ANKRD6: variants seen among roughly 807,000 people sequenced by gnomAD.
ANKRD6 encodes the protein ankyrin repeat domain 6.
A neutral mutation model predicts 82.3 loss-of-function variants in ANKRD6; 56 were observed. That is an observed-to-expected ratio of 0.68 (90% confidence interval 0.55 to 0.85). The LOEUF (loss-of-function observed/expected upper bound fraction) is 0.85, where lower values mean the gene tolerates loss of function less well. Among genes scored for constraint, ANKRD6 ranks in the 40% least tolerant of loss-of-function variants. The probability of loss-of-function intolerance (pLI) is 0.00; values close to 1 mark genes in which losing one functional copy is unlikely to be tolerated. For missense variants in ANKRD6, 852 were observed against 907.6 expected (o/e 0.94, Z 0.79); for synonymous variants, 347 against 352.1 (o/e 0.99, Z 0.16).
chr6:89,473,465 A>G (rs1034281516), intron 1 of ANKRD6, among the ~76,000 whole-genome samples: 1 of 152,060 alleles, frequency 6.6e-6, no homozygotes, highest in Non-Finnish European at 1.5e-5. Context: ...CTTCTTGTTT[A>G]CTTTTCCTTT....
chr6:89,541,060 G>A (rs1389689341), intron 1 of ANKRD6, among the ~76,000 whole-genome samples: 4 of 152,098 alleles, frequency 2.6e-5, no homozygotes, highest in African/African-American at 9.7e-5. Context: ...CAGGTAATGT[G>A]ATTCCTCCAG....
chr6:89,448,694 T>A (rs1478453744), intron 1 of ANKRD6, among the ~76,000 whole-genome samples: 1 of 152,180 alleles, frequency 6.6e-6, no homozygotes, highest in Non-Finnish European at 1.5e-5. Context: ...CATCCATTCT[T>A]CAGCCCATGG....
chr6:89,483,265 G>C (rs925761846), intron 1 of ANKRD6: 1 of 152,216 alleles, frequency 6.6e-6, no homozygotes, highest in African/African-American at 2.4e-5. Context: ...CTCTCATAAC[G>C]AGTTTGCCAA....
At chr6:89,449,497 A>T (rs1429236586) in intron 1 of ANKRD6, among the ~76,000 whole-genome samples, 1 of 152,220 alleles carries the variant, frequency 6.6e-6, no homozygotes, top group Non-Finnish European at 1.5e-5. Context: ...CCAGGAGAGC[A>T]TGAAGGGGAA....
At chr6:89,452,302 G>A (rs967604416) in intron 1 of ANKRD6, among the ~76,000 whole-genome samples, 6 of 152,164 alleles carry the variant, frequency 3.9e-5, no homozygotes, top group African/African-American at 1.4e-4. Flanking sequence ...ATGGGTACAA[G>A]AGAAAACATT....
intron 1 of ANKRD6, among the ~76,000 whole-genome samples, chr6:89,547,648 G>A (rs1189065652): frequency 1.3e-5 from 2 of 152,078 alleles, no homozygotes; most frequent in African/African-American, 2.4e-5. Flanking sequence ...TTGATGGCAG[G>A]ATTTTCCTCT....
Position 89,483,700 on chromosome 6 carries a change from GAAATGA to G in ANKRD6, c.-144+50333_-144+50338del, listed in dbSNP as rs1777046767. ...AGACATAGGTCCTTTAAAGGTTTTT[GAAATGA>G]AAATGAATACTACTAGGTGATTATT... On this transcript the variant is annotated intron_variant, in intron 1 of 15. Coordinates refer to ENST00000339746, the MANE Select transcript of ANKRD6 (RefSeq NM_001242809.2). 3 of 152,200 alleles carry G rather than the reference GAAATGA, an allele frequency of 2.0e-5. No homozygotes were observed. The South Asian group carries it at 6.2e-4, about 31-fold the overall frequency. 9.4% of individuals were successfully genotyped at this position (152,200 alleles called of 1,614,324 possible).
chr6:89,504,557 C>T (rs149379123), intron 1 of ANKRD6, among the ~76,000 whole-genome samples: 12 of 148,986 alleles, frequency 8.1e-5, no homozygotes, highest in African/African-American at 2.7e-4. Context: ...ATGTGCTACC[C>T]GCCTGGTTAA....
chr6:89,575,137 C>T (rs1790814635), intron 2 of ANKRD6, among the ~76,000 whole-genome samples: 1 of 152,150 alleles, frequency 6.6e-6, no homozygotes, highest in African/African-American at 2.4e-5. Flanking sequence ...GAGGCAGGAC[C>T]CTCTCTGGAA....
intron 1 of ANKRD6, among the ~76,000 whole-genome samples, chr6:89,500,146 T>C (rs554233676): frequency 6.6e-6 from 1 of 151,612 alleles, no homozygotes; most frequent in East Asian, 1.9e-4. Context: ...CCTTGATGCT[T>C]CTAGAGGAAG....
chr6:89,602,122 T>G (rs1466216597), intron 3 of ANKRD6: 1 of 152,310 alleles, frequency 6.6e-6, no homozygotes, highest in East Asian at 1.9e-4. Flanking sequence ...TCGTGCTCAT[T>G]GCTTTCCACC....
chr6:89,499,550 G>A (rs553982617), intron 1 of ANKRD6, among the ~76,000 whole-genome samples: 16 of 152,262 alleles, frequency 1.1e-4, no homozygotes, highest in South Asian at 2.1e-4. Flanking sequence ...GTGGGTTGGG[G>A]TCGCAGTGCT....
intron 1 of ANKRD6, among the ~76,000 whole-genome samples, chr6:89,524,262 T>C (rs570186225): frequency 6.6e-6 from 1 of 152,296 alleles, no homozygotes; most frequent in East Asian, 1.9e-4. Context: ...CCAAGCAGTA[T>C]ACACTGTACC....
intron 3 of ANKRD6, chr6:89,601,850 C>T (rs1382640104): frequency 6.6e-6 from 1 of 152,168 alleles, no homozygotes; most frequent in Non-Finnish European, 1.5e-5. Context: ...GGTAGCAGTG[C>T]ATCCTTCTTT....
chr6:89,525,605 G>T (rs574755582), intron 1 of ANKRD6, among the ~76,000 whole-genome samples: 1 of 152,314 alleles, frequency 6.6e-6, no homozygotes, highest in South Asian at 2.1e-4. Context: ...GCATAGGGAA[G>T]GGGCAGGTTG....
intron 9 of ANKRD6, chr6:89,621,230 CAG>C (rs1365556065): frequency 6.6e-6 from 1 of 152,152 alleles, no homozygotes; most frequent in Non-Finnish European, 1.5e-5. Flanking sequence ...TTTGAGAAGA[CAG>C]AGCGCAGAGA....
Position 89,458,972 on chromosome 6 carries a change from C to T in ANKRD6, c.-144+25597C>T, listed in dbSNP as rs143077840. ...CACATTTGACATGCAAAAGGGGTGA[C>T]AGACAACCTTGGGCAGTGTGGAGGG... On this transcript the variant is annotated intron_variant, in intron 1 of 15. Coordinates refer to ENST00000339746, the MANE Select transcript of ANKRD6 (RefSeq NM_001242809.2). 2.0e-5 allele frequency among the ~76,000 whole-genome samples: 3 copies of T among 152,346 alleles called. No individual in the cohort carries two copies. The East Asian group carries it at 5.8e-4, about 29-fold the overall frequency.
At chr6:89,585,143 A>G (rs1793428939) in intron 2 of ANKRD6, among the ~76,000 whole-genome samples, 1 of 152,242 alleles carries the variant, frequency 6.6e-6, no homozygotes, top group South Asian at 2.1e-4. Flanking sequence ...CAGAAAAAGA[A>G]TTTGACAAAA....
chr6:89,584,226 T>C (rs1032668094), intron 2 of ANKRD6, among the ~76,000 whole-genome samples: 12 of 152,246 alleles, frequency 7.9e-5, no homozygotes, highest in Admixed American at 2.0e-4. Flanking sequence ...GTAATCAGCA[T>C]GTTGTGAGGC....
Sources: allele counts gnomAD v4.1 joint callset (sites outside exome capture counted in the v4.1 genomes callset), GRCh38; gene constraint gnomAD v4.1.1; transcripts MANE v1.5; gene names NCBI Gene and HGNC (gene_info 2026-07-23, HGNC 2026-07-21).